The following RBFOX3 variants were observed in gnomAD, a reference collection of about 807,000 sequenced individuals.
RBFOX3 encodes the protein RNA binding fox-1 homolog 3.
In RBFOX3, 17 loss-of-function variants were observed where a neutral mutation model predicts 48.7. The ratio of observed to expected loss-of-function variants is 0.35; its 90% CI spans 0.24 to 0.52. RBFOX3 has a LOEUF of 0.52. RBFOX3 is among the 20% of genes least tolerant of loss of function. The probability of loss-of-function intolerance (pLI) is 0.94; values close to 1 mark genes in which losing one functional copy is unlikely to be tolerated. For synonymous variants in RBFOX3, 212 were observed against 209.5 expected (o/e 1.01, Z -0.10); for missense variants, 382 against 497.5 (o/e 0.77, Z 2.21).
chr17:79,262,826 T>C (rs985321957), intron 3 of RBFOX3, among the ~76,000 whole-genome samples: 1 of 152,278 alleles, frequency 6.6e-6, no homozygotes, highest in Non-Finnish European at 1.5e-5. Context: ...CCTTCAGCCA[T>C]GAGCACTGGG....
intron 3 of RBFOX3, among the ~76,000 whole-genome samples, chr17:79,266,426 T>C (rs569055375): frequency 2.0e-5 from 3 of 152,358 alleles, no homozygotes; most frequent in South Asian, 2.1e-4. Flanking sequence ...CTGTTGGGAC[T>C]GTTCCTTTTC....
chr17:79,201,386 G>A (rs532769203), intron 4 of RBFOX3, among the ~76,000 whole-genome samples: 1 of 152,278 alleles, frequency 6.6e-6, no homozygotes, highest in East Asian at 1.9e-4. Flanking sequence ...CCAGAACCCC[G>A]GCAGTGGCAG....
intron 14 of RBFOX3, among the ~76,000 whole-genome samples, 158 bp from the exon 15 acceptor site, chr17:79,091,043 A>T (rs1206119687): frequency 6.6e-6 from 1 of 152,012 alleles, no homozygotes; most frequent in East Asian, 1.9e-4. Context: ...TCCAGGGCTG[A>T]GTGTGGGTGG....
At chr17:79,162,583 T>A (rs1039987355) in intron 4 of RBFOX3, among the ~76,000 whole-genome samples, 13 of 152,246 alleles carry the variant, frequency 8.5e-5, no homozygotes, top group Non-Finnish European at 1.0e-4. Context: ...TCAATTGGAC[T>A]GAGAAGCGGG....
At chr17:79,158,195 A>G (rs928813184) in intron 4 of RBFOX3, among the ~76,000 whole-genome samples, 11 of 152,180 alleles carry the variant, frequency 7.2e-5, no homozygotes, top group African/African-American at 2.4e-4. Flanking sequence ...GAGGCCTCCA[A>G]CAGAACCAAC....
At chr17:79,651,259 C>G in the RBFOX3 span, among the ~76,000 whole-genome samples, 3 of 152,204 alleles carry the variant, frequency 2.0e-5, no homozygotes, top group Non-Finnish European at 1.5e-5. Context: ...TCTGGAGGAA[C>G]CTAGATAGAG....
rs932014125 is a variant in RBFOX3 at position 79,243,624 on chromosome 17, A to G, written c.-73-7819T>C. On this transcript the variant is annotated intron_variant, in intron 3 of 14. Transcript: ENST00000693108. This position sits in a 1 kb window ranked among gnomAD's most constrained non-coding sequence, Gnocchi z 7.9. ...GGTGTGGGGAAGGTGCTGGCTTTGC[A>G]TGAGCGGAACTTAGCGCACACCTGT... 6.6e-6 allele frequency among the ~76,000 whole-genome samples: 1 copy of G among 152,036 alleles called. No individual in the cohort carries two copies. Among genetic ancestry groups the G allele is most frequent in the Non-Finnish European group, 1.5e-5 (1 of 68,006 alleles).
intron 4 of RBFOX3, among the ~76,000 whole-genome samples, chr17:79,197,934 G>A (rs1304159111): frequency 6.6e-6 from 1 of 152,194 alleles, no homozygotes; most frequent in East Asian, 1.9e-4. Flanking sequence ...TCCGGGCATG[G>A]AAGGGGGTCT....
rs371486847 is a variant in RBFOX3, at chr17:79,477,323, A to G, written c.-175+5131T>C. ...TGTAATCCCAGCACTTTGGGAGGCC[A>G]AGGCAGGTGGATCACGAGGTCAGGA... On this transcript the variant is annotated intron_variant, in intron 2 of 14. Transcript: ENST00000693108. This position sits in a 1 kb window ranked among gnomAD's most constrained non-coding sequence, Gnocchi z 4.8. Among the ~76,000 whole-genome samples, 545 of 150,466 alleles carry G rather than the reference A, an allele frequency of 3.6e-3. 3 individuals are homozygous for G. The highest frequency in any genetic ancestry group is 9.4e-3 in the Admixed American group (142 of 15,122).
intron 1 of RBFOX3, among the ~76,000 whole-genome samples, chr17:79,484,291 A>C (rs1349737539): frequency 3.3e-5 from 5 of 152,248 alleles, no homozygotes; most frequent in Non-Finnish European, 5.9e-5. Context: ...CCAGCATCAC[A>C]GAGAGCCCAG....
rs59080195 is a variant in RBFOX3 at position 79,242,435 on chromosome 17, G to T, written c.-73-6630C>A. Among the ~76,000 whole-genome samples, 1 of 152,084 alleles carries T rather than the reference G, an allele frequency of 6.6e-6. No individual in the cohort carries two copies. The highest frequency in any genetic ancestry group is 2.4e-5 in the African/African-American group (1 of 41,408). Reference sequence around the variant, plus strand: ...AATTATAAAAAATCAACTGTGGGTGGCTTAAACCTGGCTTGTGATGACGGT... The same window carrying T: ...AATTATAAAAAATCAACTGTGGGTGTCTTAAACCTGGCTTGTGATGACGGT... On this transcript the variant is annotated intron_variant, in intron 3 of 14. Transcript: ENST00000693108. The surrounding 1 kb of genome is among the most constrained non-coding windows in gnomAD (Gnocchi z 5.8).
chr17:79,474,237 C>T (rs1463669264), intron 2 of RBFOX3, among the ~76,000 whole-genome samples: 1 of 152,208 alleles, frequency 6.6e-6, no homozygotes, highest in Non-Finnish European at 1.5e-5. Context: ...TGACTCACGT[C>T]CCTGGTGGCC....
chr17:79,446,059 C>T (rs1320242487), intron 2 of RBFOX3, among the ~76,000 whole-genome samples: 3 of 152,170 alleles, frequency 2.0e-5, no homozygotes, highest in South Asian at 2.1e-4. Context: ...AATGGTCCCC[C>T]GACATGTCAA....
chr17:79,596,876 G>A (rs925331034), intron 1 of RBFOX3, among the ~76,000 whole-genome samples: 4,296 of 152,260 alleles, frequency 0.028, 113 homozygotes, highest in East Asian at 0.11. Context: ...ACGTCAGTAC[G>A]TCCCACTTGC....
upstream of RBFOX3, among the ~76,000 whole-genome samples, chr17:79,611,158 CTCTCTCTCTCTCTCTCCGCCCTCCT>C (rs1599291931): frequency 2.2e-3 from 75 of 34,498 alleles, 9 homozygotes; most frequent in African/African-American, 3.9e-3. Flanking sequence ...CTCTCTCTCT[CTCTCTCTCTCTCTCTCCGCCCTCCT>C]TCTCTCTCTC....
Position 79,420,176 on chromosome 17 carries a change from A to ACACACACAC in RBFOX3, c.-175+62277_-175+62278insGTGTGTGTG, listed in dbSNP as rs1568218047. On this transcript the variant is annotated intron_variant, in intron 2 of 14. Coordinates refer to ENST00000693108, the MANE Select transcript of RBFOX3 (RefSeq NM_001350451.2). The stretch of plus-strand genomic sequence containing the variant: ...ACACACACACACACACACACACACA[A>ACACACACAC]AAGATGGTTAACAGGTGTGCCTCCT... Among the ~76,000 whole-genome samples, 33 of 37,556 alleles carry ACACACACAC rather than the reference A, an allele frequency of 8.8e-4. 3 individuals are homozygous for ACACACACAC. The highest frequency in any genetic ancestry group is 9.0e-4 in the Non-Finnish European group (15 of 16,664). 24.6% of individuals were successfully genotyped at this position (37,556 alleles called of 152,430 possible).
intron 14 of RBFOX3, chr17:79,094,237 G>A: frequency 4.2e-6 from 2 of 476,928 alleles, no homozygotes; most frequent in Non-Finnish European, 7.3e-6. Context: ...TGGTACGGTG[G>A]GCTGACCAGC....
chr17:79,612,993 C>T (rs906436991), upstream of RBFOX3, among the ~76,000 whole-genome samples: 1 of 152,254 alleles, frequency 6.6e-6, no homozygotes, highest in Non-Finnish European at 1.5e-5. Flanking sequence ...AGAAACCTCT[C>T]GAAGAGTGGG....
chr17:79,537,450 T>C (rs1028970720), intron 1 of RBFOX3, among the ~76,000 whole-genome samples: 10 of 152,148 alleles, frequency 6.6e-5, no homozygotes, highest in African/African-American at 2.4e-4. Flanking sequence ...CATTCACATG[T>C]TTGGGAGGTT....
Sources: allele counts gnomAD v4.1 joint callset (sites outside exome capture counted in the v4.1 genomes callset), GRCh38; gene constraint gnomAD v4.1.1; non-coding constraint Gnocchi (gnomAD v3.1); transcripts MANE v1.5; gene names NCBI Gene and HGNC (gene_info 2026-07-23, HGNC 2026-07-21).